Variants in LINC00305 observed in about 807,000 individuals in gnomAD.
LINC00305 encodes long independently transcribed non-coding RNA 305, also known as long intergenic non-protein coding RNA 305.
At chr18:64,091,833 T>C (rs2051225882) in intron 3 of LINC00305, among the ~76,000 whole-genome samples, 1 of 152,246 alleles carries the variant, frequency 6.6e-6, no homozygotes, top group South Asian at 2.1e-4. Flanking sequence ...CAAGTCCTGT[T>C]AAGGATGTAA....
At chr18:64,128,634 A>G (rs569492513) in intron 1 of LINC00305, among the ~76,000 whole-genome samples, 1 of 152,272 alleles carries the variant, frequency 6.6e-6, no homozygotes, top group South Asian at 2.1e-4. Flanking sequence ...GGTCACAGGT[A>G]GTATTTCATA....
intron 1 of LINC00305, among the ~76,000 whole-genome samples, chr18:64,120,479 G>C (rs771983432): frequency 6.6e-6 from 1 of 151,818 alleles, no homozygotes; most frequent in Admixed American, 6.6e-5. Flanking sequence ...GTTTTATAGC[G>C]TTTAGAGAGA....
At chr18:64,098,740 T>C in intron 1 of LINC00305, 3 of 343,568 alleles carry the variant, frequency 8.7e-6, no homozygotes, top group African/African-American at 2.1e-5. Flanking sequence ...CCCATTCTTC[T>C]GTGTGAATCA....
intron 1 of LINC00305, among the ~76,000 whole-genome samples, chr18:64,106,605 C>A (rs2051291939): frequency 1.3e-5 from 2 of 152,092 alleles, no homozygotes; most frequent in Admixed American, 1.3e-4. Context: ...ATAAATAACA[C>A]TAATTTGTCA....
intron 1 of LINC00305, among the ~76,000 whole-genome samples, chr18:64,104,522 T>C (rs4477822): frequency 0.25 from 38,399 of 152,180 alleles, 5,080 homozygotes; most frequent in Admixed American, 0.28. Flanking sequence ...CGTGCTGGCA[T>C]GTCAGCAGCT....
At chr18:64,132,775 T>A (rs1466726102) in intron 1 of LINC00305, among the ~76,000 whole-genome samples, 1 of 152,070 alleles carries the variant, frequency 6.6e-6, no homozygotes, top group East Asian at 1.9e-4. Context: ...ACAAGGGGTG[T>A]TTGCTGTGGG....
At chr18:64,141,823 C>T (rs575356055) in intron 1 of LINC00305, among the ~76,000 whole-genome samples, 1 of 152,278 alleles carries the variant, frequency 6.6e-6, no homozygotes. Context: ...AAACAATGTA[C>T]TTTAGCATTA....
chr18:64,117,614 G>A (rs1405670677), intron 1 of LINC00305, among the ~76,000 whole-genome samples: 1 of 152,150 alleles, frequency 6.6e-6, no homozygotes, highest in South Asian at 2.1e-4. Context: ...GAAGTGTGCA[G>A]AATCCAGACT....
Position 64,140,163 on chromosome 18 carries a change from G to C in LINC00305, n.314+8612C>G, listed in dbSNP as rs147516243. ...GAGGCCTTCTCTGACTATCCAATCGGAATTACCTTGCGTTCCTCCTCCTCT... is the reference window on the plus strand; with the variant it reads ...GAGGCCTTCTCTGACTATCCAATCGCAATTACCTTGCGTTCCTCCTCCTCT... On this transcript the variant is annotated intron_variant and non_coding_transcript_variant, in intron 1 of 3. Coordinates refer to ENST00000666468, the Ensembl canonical transcript of LINC00305. Among the ~76,000 whole-genome samples, 30 of 152,050 alleles carry C rather than the reference G, an allele frequency of 2.0e-4. No individual in the cohort carries two copies. The East Asian group carries it at 3.9e-3, about 20-fold the overall frequency.
At chr18:64,125,245 C>T (rs546845898) in intron 1 of LINC00305, among the ~76,000 whole-genome samples, 7 of 152,166 alleles carry the variant, frequency 4.6e-5, no homozygotes, top group African/African-American at 1.7e-4. Flanking sequence ...TCCCCCTTCA[C>T]CCTGCCTTTA....
intron 1 of LINC00305, among the ~76,000 whole-genome samples, chr18:64,141,175 C>A (rs2051461295): frequency 6.6e-6 from 1 of 151,794 alleles, no homozygotes; most frequent in African/African-American, 2.4e-5. Flanking sequence ...GCCCACCACA[C>A]CTTTAACCTA....
chr18:64,129,616 A>T (rs2051400403), intron 1 of LINC00305, among the ~76,000 whole-genome samples: 3 of 152,156 alleles, frequency 2.0e-5, no homozygotes, highest in African/African-American at 7.2e-5. Context: ...CATGTTTCCT[A>T]TTCAGGAATC....
chr18:64,139,227 G>A (rs1361761243), intron 1 of LINC00305, among the ~76,000 whole-genome samples: 2 of 152,222 alleles, frequency 1.3e-5, no homozygotes, highest in African/African-American at 2.4e-5. Context: ...TACATTCAGA[G>A]CAGCAGCCTC....
intron 3 of LINC00305, among the ~76,000 whole-genome samples, chr18:64,085,730 G>A (rs2051200806): frequency 1.3e-5 from 2 of 152,174 alleles, no homozygotes; most frequent in African/African-American, 4.8e-5. Context: ...CAAAGTGCTG[G>A]GATTACAGGC....
chr18:64,084,940 C>A, intron 3 of LINC00305, among the ~76,000 whole-genome samples: 1 of 152,198 alleles, frequency 6.6e-6, no homozygotes, highest in Non-Finnish European at 1.5e-5. Context: ...TGTGGCTGAG[C>A]AGTTGTTTGG....
At chr18:64,112,241 G>A (rs1441316906) in intron 1 of LINC00305, among the ~76,000 whole-genome samples, 1 of 151,134 alleles carries the variant, frequency 6.6e-6, no homozygotes, top group African/African-American at 2.4e-5. Context: ...ATTGAAAATG[G>A]AAGACTGGAA....
chr18:64,138,231 C>T lies in LINC00305; in HGVS notation n.314+10544G>A, dbSNP rs377253239. Among the ~76,000 whole-genome samples, 13 of 152,184 alleles carry T rather than the reference C, an allele frequency of 8.5e-5. No individual in the cohort carries two copies. The South Asian group carries it at 2.3e-3, about 27-fold the overall frequency. On this transcript the variant is annotated intron_variant and non_coding_transcript_variant, in intron 1 of 3. Transcript: ENST00000666468. ...GGAAAATTGATCAGTAAGAAAGATC[C>T]GGGCTGCTCTCTCATTACCTCTTTT... is the stretch of plus-strand genomic sequence containing the variant.
At chr18:64,125,714 C>T (rs769387663) in intron 1 of LINC00305, among the ~76,000 whole-genome samples, 11 of 152,190 alleles carry the variant, frequency 7.2e-5, no homozygotes, top group Non-Finnish European at 1.5e-4. Flanking sequence ...TTACCTTGTG[C>T]TATGGTTTGA....
At chr18:64,094,884 T>TA (rs201820726) in intron 3 of LINC00305, among the ~76,000 whole-genome samples, 16,817 of 148,418 alleles carry the variant, frequency 0.11, 1,215 homozygotes, top group Non-Finnish European at 0.16. Flanking sequence ...AATAAATAAA[T>TA]AATAAAATAA....
Sources: gnomAD v4.1 joint callset for allele counts (sites outside exome capture counted in the v4.1 genomes callset) on GRCh38, gnomAD v4.1.1 for gene constraint, MANE v1.5 for transcripts, NCBI Gene and HGNC (gene_info 2026-07-23, HGNC 2026-07-21) for gene names.